Variants in USP3 observed in about 807,000 individuals in gnomAD.
USP3 encodes the protein ubiquitin specific peptidase 3.
In USP3, 20 loss-of-function variants were observed where a neutral mutation model predicts 72.3. The ratio of observed to expected loss-of-function variants is 0.28; its 90% CI spans 0.19 to 0.40. The LOEUF (loss-of-function observed/expected upper bound fraction) is 0.40, where lower values mean the gene tolerates loss of function less well. Among genes scored for constraint, USP3 ranks in the 10% least tolerant of loss-of-function variants. USP3 has a pLI of 1.00. For missense variants in USP3, 479 were observed against 633.9 expected (o/e 0.76, Z 2.62); for synonymous variants, 222 against 225.3 (o/e 0.99, Z 0.13).
chr15:63,578,099 A>C (rs1179955520), intron 11 of USP3, among the ~76,000 whole-genome samples: 1 of 151,814 alleles, frequency 6.6e-6, no homozygotes, highest in Non-Finnish European at 1.5e-5. Flanking sequence ...AACATGGAGA[A>C]ACCCCATCTC....
Position 63,588,740 on chromosome 15 carries a change from A to T in USP3, c.1254A>T (p.Ala418=). 6.2e-7 allele frequency: 1 copy of T among 1,614,214 alleles called. No homozygotes were observed. Among genetic ancestry groups the T allele is most frequent in the Non-Finnish European group, 8.5e-7 (1 of 1,180,004 alleles). Residue 418 remains alanine (A), a synonymous_variant, in exon 13 of 15, where the codon GCA becomes GCT. Coordinates refer to ENST00000380324, the MANE Select transcript of USP3 (RefSeq NM_006537.4). The surrounding 1 kb of genome is among the most constrained non-coding windows in gnomAD (Gnocchi z 4.6). ...CLHLKRFHWT[A]YLRNKVDTYV... ...ATTTGAAAAGATTTCATTGGACAGC[A>T]TATTTAAGAAATAAAGTTGATACAT...
chr15:63,543,803 A>C (rs2066280491), intron 3 of USP3, among the ~76,000 whole-genome samples: 1 of 152,232 alleles, frequency 6.6e-6, no homozygotes, highest in Non-Finnish European at 1.5e-5. Flanking sequence ...ACAGACTAAT[A>C]AGACCTGATA....
chr15:63,584,198 C>T (rs967177896), intron 11 of USP3, among the ~76,000 whole-genome samples: 32 of 150,350 alleles, frequency 2.1e-4, no homozygotes, highest in Non-Finnish European at 3.0e-4. Flanking sequence ...CCCAGGTTCA[C>T]GCCATTCTCC....
At chr15:63,517,859 T>C (rs1417043587) in intron 1 of USP3, among the ~76,000 whole-genome samples, 1 of 152,224 alleles carries the variant, frequency 6.6e-6, no homozygotes, top group Admixed American at 6.5e-5. Flanking sequence ...TCTGCACTAC[T>C]AAGATTGTTA....
At chr15:63,565,383 TACC>T (rs2066673379) in intron 8 of USP3, among the ~76,000 whole-genome samples, 1 of 152,204 alleles carries the variant, frequency 6.6e-6, no homozygotes, top group Admixed American at 6.5e-5. Flanking sequence ...CATATGTACT[TACC>T]ACACTTCTTA....
intron 3 of USP3, among the ~76,000 whole-genome samples, chr15:63,543,450 G>A (rs1349685014): frequency 6.6e-6 from 1 of 152,012 alleles, no homozygotes; most frequent in East Asian, 1.9e-4. Context: ...TATTTGGGAG[G>A]AGAAAAGAAA....
At chr15:63,522,770 A>G (rs2065936334) in intron 1 of USP3, among the ~76,000 whole-genome samples, 1 of 152,232 alleles carries the variant, frequency 6.6e-6, no homozygotes, top group African/African-American at 2.4e-5. Flanking sequence ...TAAAGAACTT[A>G]GCATCTTTGT....
Position 63,505,756 on chromosome 15 carries a change from G to C in USP3, c.91+926G>C, listed in dbSNP as rs553305771. ...TTCCTGGTAGGGCCCTGGTGCCACCGCTAGTCTTTGTTTATTAGCTTTGAG... is the reference window on the plus strand; with the variant it reads ...TTCCTGGTAGGGCCCTGGTGCCACCCCTAGTCTTTGTTTATTAGCTTTGAG... On this transcript the variant is annotated intron_variant, in intron 1 of 14. Coordinates refer to ENST00000380324, the MANE Select transcript of USP3 (RefSeq NM_006537.4). 9.2e-5 allele frequency among the ~76,000 whole-genome samples: 14 copies of C among 152,246 alleles called. No individual in the cohort carries two copies. In the South Asian group the frequency reaches 2.9e-3, roughly 32 times the overall value.
chr15:63,558,148 G>C lies in USP3; in HGVS notation c.493G>C (p.Gly165Arg), dbSNP rs758364622. 6.2e-7 allele frequency: 1 copy of C among 1,614,008 alleles called. No homozygotes were observed. The highest frequency in any genetic ancestry group is 8.5e-7 in the Non-Finnish European group (1 of 1,180,016). The change falls in exon 6 of 15, where the codon GGG (glycine) becomes CGG (arginine). Residue 165 changes from glycine to arginine, a missense_variant. Physicochemically the swap from Gly to Arg is moderately radical, Grantham distance 125. Transcript: ENST00000380324. ...AICATGLRNL[G>R]NTCFMNAILQ... ...TTGTGCCACAGGCCTTCGGAATTTG[G>C]GGAACACATGTTTCATGAATGCCAT...
At chr15:63,542,537 TA>T (rs2066259800) in intron 3 of USP3, among the ~76,000 whole-genome samples, 1 of 152,040 alleles carries the variant, frequency 6.6e-6, no homozygotes, top group Non-Finnish European at 1.5e-5. Context: ...AAAAATTATA[TA>T]ATTACCAAGT....
At position 63,565,646 on chromosome 15, in the gene USP3, TTA is replaced by T. The variant is rs897466100; in HGVS notation, c.761+2640_761+2641del. ...TATACAGACAAGTGTGTGTGTGTGTTTATGTCATTTTTAATGTAATTGGTGAT... is the reference window on the plus strand; with the variant it reads ...TATACAGACAAGTGTGTGTGTGTGTTTGTCATTTTTAATGTAATTGGTGAT... On this transcript the variant is annotated intron_variant, in intron 8 of 14. Transcript: ENST00000380324. Among the ~76,000 whole-genome samples the T allele has an allele frequency of 5.3e-5, 8 of 152,178 alleles. No individual in the cohort carries two copies. In the East Asian group the frequency reaches 1.2e-3, roughly 22 times the overall value.
intron 1 of USP3, among the ~76,000 whole-genome samples, chr15:63,512,843 A>G (rs2065808374): frequency 6.6e-6 from 1 of 152,240 alleles, no homozygotes; most frequent in Non-Finnish European, 1.5e-5. Flanking sequence ...TCAGATTTTG[A>G]AAACTGTTGA....
rs145206984 is a variant in USP3 at position 63,566,435 on chromosome 15, C to A, written c.761+3427C>A. Among the ~76,000 whole-genome samples the A allele has an allele frequency of 2.2e-3, 336 of 152,062 alleles. 1 individual carries two copies. Among genetic ancestry groups the A allele is most frequent in the African/African-American group, 6.5e-3 (270 of 41,470 alleles). ...TCAAGTGATTCTCCTGCCTCAGCCT[C>A]TCAAGTAGCTGGGACTACAGGTGCG... On this transcript the variant is annotated intron_variant, in intron 8 of 14. Transcript: ENST00000380324.
At chr15:63,572,211 A>C (rs2066789512) in intron 9 of USP3, among the ~76,000 whole-genome samples, 1 of 152,174 alleles carries the variant, frequency 6.6e-6, no homozygotes, top group African/African-American at 2.4e-5. Context: ...CAGGCAGCTA[A>C]AATCTTGATG....
chr15:63,567,732 C>T (rs1254002461), intron 8 of USP3, among the ~76,000 whole-genome samples: 1 of 152,200 alleles, frequency 6.6e-6, no homozygotes, highest in Non-Finnish European at 1.5e-5. Flanking sequence ...CCGTCTGCCT[C>T]AGCCTCCCAA....
At chr15:63,575,705 T>G (rs940195351) in intron 11 of USP3, among the ~76,000 whole-genome samples, 1 of 152,212 alleles carries the variant, frequency 6.6e-6, no homozygotes, top group African/African-American at 2.4e-5. Context: ...TCTCCAAAAC[T>G]GTTTTTGGCC....
chr15:63,582,948 C>T (rs939694768), intron 11 of USP3, among the ~76,000 whole-genome samples: 1 of 152,154 alleles, frequency 6.6e-6, no homozygotes, highest in Non-Finnish European at 1.5e-5. Context: ...TCAGTAATCT[C>T]AGTGCTCCTC....
chr15:63,572,628 G>A (rs562231298), intron 9 of USP3, among the ~76,000 whole-genome samples: 6 of 152,278 alleles, frequency 3.9e-5, no homozygotes, highest in South Asian at 4.1e-4. Flanking sequence ...AGAATTGCTC[G>A]AGTAGGTTTT....
At chr15:63,564,676 G>A (rs2066659882) in intron 8 of USP3, among the ~76,000 whole-genome samples, 1 of 152,174 alleles carries the variant, frequency 6.6e-6, no homozygotes, top group Non-Finnish European at 1.5e-5. Flanking sequence ...AGGTAACCAG[G>A]CTGACGAATG....
Sources: allele counts gnomAD v4.1 joint callset (sites outside exome capture counted in the v4.1 genomes callset), GRCh38; gene constraint gnomAD v4.1.1; non-coding constraint Gnocchi (gnomAD v3.1); transcripts MANE v1.5; gene names NCBI Gene and HGNC (gene_info 2026-07-23, HGNC 2026-07-21).